Variants in MAP3K5 observed in about 807,000 individuals in gnomAD.
MAP3K5 encodes the protein mitogen-activated protein kinase kinase kinase 5, also known as ASK-1.
MAP3K5 carries 56 observed loss-of-function variants against 158.7 expected under a neutral mutation model. That is an observed-to-expected ratio of 0.35 (90% CI 0.28 to 0.44). The LOEUF (loss-of-function observed/expected upper bound fraction) is 0.44, where lower values mean the gene tolerates loss of function less well. Among genes scored for constraint, MAP3K5 ranks in the 20% least tolerant of loss-of-function variants. The pLI, the probability that MAP3K5 is intolerant of heterozygous loss-of-function variation, is 1.00. For synonymous variants in MAP3K5, 579 were observed against 601.7 expected, an observed-to-expected ratio of 0.96 and a Z score of 0.55; for missense variants, 1,294 against 1,674.8, an observed-to-expected ratio of 0.77 and a Z score of 3.97.
rs1241251002 is a variant in MAP3K5, at chr6:136,711,348, C to T, written c.589-6215G>A. On this transcript the variant is annotated intron_variant, in intron 2 of 29. Transcript: ENST00000359015. ...TGTGTTCCCCAAACAAGTCATCACG[C>T]GTCTCATTTCTCTTCTGTAAAGAAA... Among the ~76,000 whole-genome samples the T allele has an allele frequency of 3.3e-5, 5 of 152,168 alleles. No individual in the cohort carries two copies. The East Asian group carries it at 9.7e-4, about 29-fold the overall frequency.
At chr6:136,721,730 T>C (rs1478192304) in intron 1 of MAP3K5, among the ~76,000 whole-genome samples, 2 of 152,210 alleles carry the variant, frequency 1.3e-5, no homozygotes, top group African/African-American at 4.8e-5. Context: ...TTAAAAATAA[T>C]TGCTGAGCTG....
intron 7 of MAP3K5, among the ~76,000 whole-genome samples, chr6:136,682,260 A>G (rs1481403495): frequency 6.6e-6 from 1 of 152,256 alleles, no homozygotes; most frequent in East Asian, 1.9e-4. Context: ...TAAAGGACTA[A>G]GCAAAAATAA....
chr6:136,571,369 G>A (rs941472593), intron 25 of MAP3K5, among the ~76,000 whole-genome samples: 4 of 152,138 alleles, frequency 2.6e-5, no homozygotes, highest in Admixed American at 2.0e-4. Context: ...AGCTGTCAGC[G>A]GCAGGAGTAA....
At chr6:136,656,864 C>T (rs1015874687) in intron 9 of MAP3K5, among the ~76,000 whole-genome samples, 18 of 152,140 alleles carry the variant, frequency 1.2e-4, no homozygotes, top group African/African-American at 4.3e-4. Flanking sequence ...TCAAGTGATC[C>T]ACCTGCCTCG....
chr6:136,583,643 G>T lies in MAP3K5; in HGVS notation c.3323C>A (p.Thr1108Asn), dbSNP rs1428358797. Residue 1108 changes from threonine to asparagine, a missense_variant, in exon 24 of 30, where the codon ACC becomes AAC. By Grantham distance (65) the Thr-to-Asn change is moderately conservative. This residue lies in a region of MAP3K5 where 362 missense variants were observed against 463.2 expected (regional missense o/e 0.78). Coordinates refer to ENST00000359015, the MANE Select transcript of MAP3K5 (RefSeq NM_005923.4). ...CTCCAGTTTCAGCTTTGACAGTGTG[G>T]TGGCTATGATTTTTCGGTCAGTGGA... Reference protein sequence around the residue: ...VRSTDRKIIATTLSKLKLELD... With the variant: ...VRSTDRKIIANTLSKLKLELD... The T allele has an allele frequency of 6.2e-7, 1 of 1,614,234 alleles. No individual in the cohort carries two copies. Among genetic ancestry groups the T allele is most frequent in the Admixed American group, 1.7e-5 (1 of 60,028 alleles).
chr6:136,659,420 A>G (rs1398763376), intron 8 of MAP3K5, 42 bp from the exon 9 acceptor site: 4 of 1,580,122 alleles, frequency 2.5e-6, no homozygotes, highest in South Asian at 2.2e-5. Flanking sequence ...AATGCACCCC[A>G]CACAGGTAGA....
chr6:136,570,443 G>A (rs1028644589), intron 25 of MAP3K5, among the ~76,000 whole-genome samples: 2 of 152,142 alleles, frequency 1.3e-5, no homozygotes, highest in African/African-American at 4.8e-5. Context: ...TTTCAGATGT[G>A]TGGATGACAA....
intron 7 of MAP3K5, among the ~76,000 whole-genome samples, chr6:136,670,195 T>C (rs1470988162): frequency 6.6e-6 from 1 of 152,140 alleles, no homozygotes; most frequent in Admixed American, 6.6e-5. Context: ...TGAAAATACT[T>C]CAATATTTAA....
At chr6:136,729,496 G>A (rs1372857283) in intron 1 of MAP3K5, among the ~76,000 whole-genome samples, 1 of 152,198 alleles carries the variant, frequency 6.6e-6, no homozygotes, top group Non-Finnish European at 1.5e-5. Context: ...AATGCCCAGA[G>A]GAGACCCTTT....
chr6:136,633,425 G>GTGTATATA (rs1777469650), intron 14 of MAP3K5, among the ~76,000 whole-genome samples: 2 of 147,310 alleles, frequency 1.4e-5, no homozygotes, highest in East Asian at 3.9e-4. Flanking sequence ...ATAAATATAT[G>GTGTATATA]TATATATATA....
chr6:136,636,872 C>T (rs1038986899), intron 14 of MAP3K5: 1 of 990,100 alleles, frequency 1.0e-6, no homozygotes, highest in African/African-American at 1.7e-5. Flanking sequence ...AGAGGAACAA[C>T]ATTTGAAGTC....
intron 1 of MAP3K5, among the ~76,000 whole-genome samples, chr6:136,781,316 C>T (rs998727807): frequency 6.6e-6 from 1 of 152,072 alleles, no homozygotes; most frequent in Non-Finnish European, 1.5e-5. Flanking sequence ...TGACACTGAT[C>T]GAAAAAGGTA....
intron 8 of MAP3K5, among the ~76,000 whole-genome samples, chr6:136,663,638 C>A (rs1028081513): frequency 4.7e-5 from 6 of 128,344 alleles, no homozygotes; most frequent in African/African-American, 1.2e-4. Flanking sequence ...GAGAAAGAAT[C>A]TCACTCTATT....
chr6:136,667,338 G>A (rs1002981963), intron 8 of MAP3K5, among the ~76,000 whole-genome samples: 2 of 152,074 alleles, frequency 1.3e-5, no homozygotes, highest in Admixed American at 6.5e-5. Flanking sequence ...TTTTAATTTA[G>A]TCTTAGACAC....
intron 1 of MAP3K5, among the ~76,000 whole-genome samples, chr6:136,761,719 G>T (rs1466313695): frequency 6.6e-6 from 1 of 152,174 alleles, no homozygotes; most frequent in Non-Finnish European, 1.5e-5. Flanking sequence ...AACCTCAAAA[G>T]GCTTTGCTGC....
intron 8 of MAP3K5, among the ~76,000 whole-genome samples, chr6:136,666,785 A>T (rs1779248435): frequency 6.6e-6 from 1 of 152,228 alleles, no homozygotes; most frequent in South Asian, 2.1e-4. Flanking sequence ...ATTGAAGGAC[A>T]ATACAATTTA....
In MAP3K5 at chr6:136,716,027, CAAAAAAAAAAAAAAAAAAA is replaced by C. The variant is rs60678515; in HGVS notation, c.588+4404_588+4422del. ...CCCGGGTGACAAAGCAAGATCGTCT[CAAAAAAAAAAAAAAAAAAA>C]AAAAAAAAAAAAAAAAAAAATTACA... On this transcript the variant is annotated intron_variant, in intron 2 of 29. Transcript: ENST00000359015. Among the ~76,000 whole-genome samples, 16 of 23,034 alleles carry C rather than the reference CAAAAAAAAAAAAAAAAAAA, an allele frequency of 6.9e-4. No individual in the cohort carries two copies. The East Asian group carries it at 0.02, about 29-fold the overall frequency. The allele number at this position is 23,034 out of a possible 152,430, so 15.1% of individuals were successfully genotyped here. A position where few individuals can be genotyped will look rare whatever the true frequency, so the allele number is the denominator to read the frequency against.
rs750942902 is a variant in MAP3K5, at chr6:136,705,145, G to GA, written c.589-13dup. 115 of 1,149,506 alleles carry GA rather than the reference G, an allele frequency of 1.0e-4. No homozygotes were observed. Among genetic ancestry groups the GA allele is most frequent in the Middle Eastern group, 2.0e-4 (1 of 4,910 alleles). The allele number at this position is 1,149,506 out of a possible 1,614,324, so 71.2% of individuals were successfully genotyped here. The stretch of plus-strand genomic sequence containing the variant: ...TGGCAAATTATTTCCTGAAAAACAA[G>GA]AAAAAAAATATACCACAAGTTAATA... On this transcript the variant is annotated splice_polypyrimidine_tract_variant and intron_variant, in intron 2 of 29. Transcript: ENST00000359015.
intron 24 of MAP3K5, 34 bp downstream of exon 24, chr6:136,583,521 G>A (rs1171238662): frequency 1.9e-6 from 3 of 1,550,352 alleles, no homozygotes. Flanking sequence ...TAATTTTAGT[G>A]TGTGGGAAAA....
Sources: gnomAD v4.1 joint callset for allele counts (sites outside exome capture counted in the v4.1 genomes callset) on GRCh38, gnomAD v4.1.1 for gene constraint, gnomAD v4.1.1 regional missense constraint, MANE v1.5 for transcripts, NCBI Gene and HGNC (gene_info 2026-07-23, HGNC 2026-07-21) for gene names.